CD80: variants seen among roughly 807,000 people sequenced by gnomAD.
CD80 encodes T-lymphocyte activation antigen CD80.
In CD80, 13 loss-of-function variants were observed where a neutral mutation model predicts 27.1. That is an observed-to-expected ratio of 0.48 (90% CI 0.31 to 0.76). The LOEUF is 0.76. CD80 is among the 30% of genes least tolerant of loss of function. The pLI, the probability that CD80 is intolerant of heterozygous loss-of-function variation, is 0.04. For missense variants in CD80, 277 were observed against 347.9 expected, an observed-to-expected ratio of 0.80 and a Z score of 1.62; for synonymous variants, 125 against 125.5, an observed-to-expected ratio of 1.00 and a Z score of 0.03.
rs762000038 is a variant in CD80 at position 119,544,606 on chromosome 3, T to C, written c.362A>G (p.Tyr121Cys). 1 of 1,614,200 alleles carries C rather than the reference T, an allele frequency of 6.2e-7. No homozygotes were observed. Among genetic ancestry groups the C allele is most frequent in the South Asian group, 1.1e-5 (1 of 91,086 alleles). Residue 121 changes from tyrosine (Y) to cysteine (C), a missense_variant, in exon 3 of 7, where the codon TAT (tyrosine) becomes TGT (cysteine). Tyr to Cys is a radical substitution (Grantham distance 194). Transcript: ENST00000264246. ...TTCCCGCTTGAAAGCGTCTTTTTCATACTTCAGAACAACACACTCGTATGT... is the reference window on the plus strand; with the variant it reads ...TTCCCGCTTGAAAGCGTCTTTTTCACACTTCAGAACAACACACTCGTATGT... ...EGTYECVVLKYEKDAFKREHL... is the reference protein window; with the variant it reads ...EGTYECVVLKCEKDAFKREHL...
chr3:119,545,181 T>G (rs1249422993), intron 2 of CD80, among the ~76,000 whole-genome samples: 1 of 152,030 alleles, frequency 6.6e-6, no homozygotes, highest in Non-Finnish European at 1.5e-5. Context: ...CTGTCTCTAC[T>G]AAAAATACAA....
Position 119,527,857 on chromosome 3 carries a change from A to C in CD80, c.797-16T>G, listed in dbSNP as rs771689032. ...GGGGCAAAGCCTTGGAGACAAGAAC[A>C]AACAATAAAAATGATAAGTAAGTTT... On this transcript the variant is annotated splice_polypyrimidine_tract_variant and intron_variant, in intron 5 of 6. Coordinates refer to ENST00000264246, the MANE Select transcript of CD80 (RefSeq NM_005191.4). The C allele has an allele frequency of 6.2e-7, 1 of 1,605,298 alleles. No individual in the cohort carries two copies. Among genetic ancestry groups the C allele is most frequent in the Admixed American group, 1.7e-5 (1 of 59,986 alleles).
intron 4 of CD80, among the ~76,000 whole-genome samples, chr3:119,531,509 C>T (rs920288645): frequency 4.6e-5 from 7 of 152,124 alleles, no homozygotes; most frequent in African/African-American, 1.7e-4. Context: ...GTTGTGCTAT[C>T]TAAATTTTTC....
chr3:119,544,794 C>T lies in CD80; in HGVS notation c.174G>A (p.Glu58=), dbSNP rs756028722. The T allele has an allele frequency of 8.1e-6, 13 of 1,614,094 alleles. No homozygotes were observed. Among genetic ancestry groups the T allele is most frequent in the African/African-American group, 4.0e-5 (3 of 74,944 alleles). Residue 58 remains glutamate, a synonymous_variant, in exon 3 of 7, where the codon GAG becomes GAA. Coordinates refer to ENST00000264246, the MANE Select transcript of CD80 (RefSeq NM_005191.4). ...LSCGHNVSVE[E]LAQTRIYWQK... is the part of the protein sequence containing the mutation. ...GCCAGTAGATGCGAGTTTGTGCCAG[C>T]TCTTCAACAGAAACATTGTGACCAC...
At chr3:119,541,228 T>C (rs1277767492) in intron 3 of CD80, among the ~76,000 whole-genome samples, 1 of 152,068 alleles carries the variant, frequency 6.6e-6, no homozygotes, top group East Asian at 1.9e-4. Context: ...GTTAACCCAA[T>C]TTTTACCACT....
chr3:119,543,331 G>T (rs527420550), intron 3 of CD80, among the ~76,000 whole-genome samples: 1 of 151,938 alleles, frequency 6.6e-6, no homozygotes, highest in Non-Finnish European at 1.5e-5. Flanking sequence ...TACATAAACA[G>T]GGCTTTGATT....
At chr3:119,543,462 C>CT (rs34234039) in intron 3 of CD80, among the ~76,000 whole-genome samples, 22,353 of 143,708 alleles carry the variant, frequency 0.16, 1,813 homozygotes, top group African/African-American at 0.22. Context: ...CTGTAGTCTA[C>CT]TTTTTTTTTT....
Position 119,544,793 on chromosome 3 carries a change from G to A in CD80, c.175C>T (p.Leu59=). 1 of 1,614,162 alleles carries A rather than the reference G, an allele frequency of 6.2e-7. No individual in the cohort carries two copies. Among genetic ancestry groups the A allele is most frequent in the East Asian group, 2.2e-5 (1 of 44,880 alleles). ...TGCCAGTAGATGCGAGTTTGTGCCA[G>A]CTCTTCAACAGAAACATTGTGACCA... ...SCGHNVSVEE[L]AQTRIYWQKE... Residue 59 remains leucine, a synonymous_variant, in exon 3 of 7, where the codon CTG becomes TTG. Coordinates refer to ENST00000264246, the MANE Select transcript of CD80 (RefSeq NM_005191.4).
intron 5 of CD80, among the ~76,000 whole-genome samples, chr3:119,528,748 C>T (rs946652678): frequency 2.0e-5 from 3 of 151,760 alleles, no homozygotes; most frequent in African/African-American, 7.3e-5. Context: ...ATGGTGAAAC[C>T]CCGTCTCTAC....
intron 4 of CD80, among the ~76,000 whole-genome samples, chr3:119,530,732 C>T (rs746693039): frequency 3.9e-5 from 6 of 152,172 alleles, no homozygotes; most frequent in Non-Finnish European, 7.3e-5. Flanking sequence ...TCTGGAAAAA[C>T]GGCAGGGACA....
chr3:119,548,842 C>T (rs1343803510), intron 2 of CD80, among the ~76,000 whole-genome samples: 2 of 152,078 alleles, frequency 1.3e-5, no homozygotes, highest in East Asian at 3.9e-4. Flanking sequence ...TGAGACCAGC[C>T]TGGTCAACAT....
Position 119,544,634 on chromosome 3 carries a change from C to T in CD80, c.334G>A (p.Gly112Ser). 6.2e-7 allele frequency: 1 copy of T among 1,614,160 alleles called. No individual in the cohort carries two copies. Among genetic ancestry groups the T allele is most frequent in the South Asian group, 1.1e-5 (1 of 91,086 alleles). The change falls in exon 3 of 7, where the codon GGC becomes AGC. Residue 112 changes from glycine (G) to serine (S), a missense_variant. By Grantham distance (56) the Gly-to-Ser change is moderately conservative. Coordinates refer to ENST00000264246, the MANE Select transcript of CD80 (RefSeq NM_005191.4). ...VILALRPSDE[G>S]TYECVVLKYE... ...TTCAGAACAACACACTCGTATGTGC[C>T]CTCGTCAGATGGGCGCAGAGCCAGG...
intron 1 of CD80, among the ~76,000 whole-genome samples, chr3:119,558,313 T>C (rs1235106441): frequency 6.6e-6 from 1 of 152,224 alleles, no homozygotes; most frequent in Non-Finnish European, 1.5e-5. Flanking sequence ...ACAACTTCTT[T>C]CTTGACATAT....
rs2082144412 is a variant in CD80 at position 119,537,258 on chromosome 3, A to G, written c.579T>C (p.Pro193=). 1.9e-6 allele frequency: 3 copies of G among 1,614,108 alleles called. No individual in the cohort carries two copies. Among genetic ancestry groups the G allele is most frequent in the Non-Finnish European group, 2.5e-6 (3 of 1,179,952 alleles). Residue 193 remains proline, a synonymous_variant, in exon 4 of 7, where the codon CCT becomes CCC. Coordinates refer to ENST00000264246, the MANE Select transcript of CD80 (RefSeq NM_005191.4). ...TGCTAACAGCATAGAGCTCAGTTTC[A>G]GGATCTTGGGAAACTGTTGTGTTGA... ...NAINTTVSQD[P]ETELYAVSSK... is the part of the protein sequence containing the mutation.
intron 4 of CD80, among the ~76,000 whole-genome samples, 178 bp downstream of exon 4, chr3:119,536,959 C>T (rs1250295236): frequency 2.0e-5 from 3 of 152,154 alleles, no homozygotes; most frequent in African/African-American, 2.4e-5. Flanking sequence ...TACCATGTAG[C>T]CTAGGTGTGC....
chr3:119,538,122 A>G (rs925092502), intron 3 of CD80, among the ~76,000 whole-genome samples: 2 of 152,202 alleles, frequency 1.3e-5, no homozygotes, highest in Non-Finnish European at 2.9e-5. Context: ...TAGGTTGTAG[A>G]TCTAAAAAGG....
Position 119,544,566 on chromosome 3 carries a change from C to T in CD80, c.402G>A (p.Val134=), listed in dbSNP as rs778350268. 2 of 1,613,758 alleles carry T rather than the reference C, an allele frequency of 1.2e-6. No homozygotes were observed. The highest frequency in any genetic ancestry group is 1.7e-6 in the Non-Finnish European group (2 of 1,179,652). Reference sequence around the variant, plus strand: ...CCCACCAACCTTTGACTGATAACGTCACTTCAGCCAGGTGTTCCCGCTTGA... The same window carrying T: ...CCCACCAACCTTTGACTGATAACGTTACTTCAGCCAGGTGTTCCCGCTTGA... ...DAFKREHLAE[V]TLSVKADFPT... The change falls in exon 3 of 7, where the codon GTG becomes GTA. Residue 134 remains valine, a synonymous_variant. Coordinates refer to ENST00000264246, the MANE Select transcript of CD80 (RefSeq NM_005191.4).
In CD80 at chr3:119,544,727, T is replaced by C; in HGVS notation, c.241A>G (p.Met81Val). Residue 81 changes from methionine (M) to valine (V), a missense_variant, in exon 3 of 7, where the codon ATG becomes GTG. Met to Val is a conservative substitution (Grantham distance 21, BLOSUM62 1). Coordinates refer to ENST00000264246, the MANE Select transcript of CD80 (RefSeq NM_005191.4). ...TTCTTGTACTCGGGCCATATATTCA[T>C]GTCCCCAGACATCATAGTCAGCACC... ...KMVLTMMSGDMNIWPEYKNRT... is the reference protein window; with the variant it reads ...KMVLTMMSGDVNIWPEYKNRT... The C allele has an allele frequency of 6.2e-7, 1 of 1,614,236 alleles. No homozygotes were observed. The highest frequency in any genetic ancestry group is 1.1e-5 in the South Asian group (1 of 91,078).
At chr3:119,549,168 C>G (rs1317759269) in intron 2 of CD80, among the ~76,000 whole-genome samples, 2 of 152,196 alleles carry the variant, frequency 1.3e-5, no homozygotes, top group Non-Finnish European at 2.9e-5. Context: ...TTCAGGTACC[C>G]TAAATGGATC....
Sources: allele counts gnomAD v4.1 joint callset (sites outside exome capture counted in the v4.1 genomes callset), GRCh38; gene constraint gnomAD v4.1.1; transcripts MANE v1.5; gene names NCBI Gene and HGNC (gene_info 2026-07-23, HGNC 2026-07-21).